Variants in AGO3 observed in about 807,000 individuals in gnomAD.
AGO3 encodes the protein argonaute RISC catalytic component 3.
Under a neutral mutation model 105.5 loss-of-function variants are expected in AGO3, and 16 were observed. That is an observed-to-expected ratio of 0.15 (90% CI 0.10 to 0.23). AGO3 has a LOEUF of 0.23. Ranked by LOEUF, AGO3 falls within the 10% of genes least tolerant of loss-of-function variation. The probability of loss-of-function intolerance (pLI) is 1.00; values close to 1 mark genes in which losing one functional copy is unlikely to be tolerated. For missense variants in AGO3, 534 were observed against 1,088.0 expected, an observed-to-expected ratio of 0.49 and a Z score of 7.16; for synonymous variants, 340 against 367.3, an observed-to-expected ratio of 0.93 and a Z score of 0.85.
chr1:36,055,397 A>T lies in AGO3; in HGVS notation c.2475-240A>T. 1.6e-6 allele frequency: 1 copy of T among 613,322 alleles called. No individual in the cohort carries two copies. Among genetic ancestry groups the T allele is most frequent in the Non-Finnish European group, 2.9e-6 (1 of 350,768 alleles). The allele number at this position is 613,322 out of a possible 1,614,324, so 38.0% of individuals were successfully genotyped here. ...GTAATAAAGTGATACATTCAGACAG[A>T]TAGACAAAATGATACGATATCTAGG... On this transcript the variant is annotated intron_variant, in intron 18 of 18. Transcript: ENST00000373191. The surrounding 1 kb of genome is among the most constrained non-coding windows in gnomAD (Gnocchi z 4.4).
intron 12 of AGO3, among the ~76,000 whole-genome samples, chr1:36,028,407 C>A (rs1449476500): frequency 8.2e-6 from 1 of 122,242 alleles, no homozygotes; most frequent in East Asian, 3.1e-4. Flanking sequence ...CCCCCCACCC[C>A]ACAACAGTCC....
intron 5 of AGO3, among the ~76,000 whole-genome samples, chr1:36,001,475 A>G (rs1640080395): frequency 6.6e-6 from 1 of 152,202 alleles, no homozygotes; most frequent in Non-Finnish European, 1.5e-5. Context: ...ATTAGTACAT[A>G]CAAGGCACAG....
In AGO3 at chr1:36,058,624, A is replaced by G. The variant is rs1441217684; in HGVS notation, c.*2879A>G. ...TATTTTGAGCCTAAAATCTGAGCCC[A>G]TGTCCTCTGACAGGCATGAAATCTT... On this transcript the variant is annotated 3_prime_UTR_variant, in exon 19 of 19. Transcript: ENST00000373191. The G allele has an allele frequency of 1.3e-5, 2 of 152,162 alleles. No individual in the cohort carries two copies. Among genetic ancestry groups the G allele is most frequent in the Non-Finnish European group, 1.5e-5 (1 of 68,018 alleles). 9.4% of individuals were successfully genotyped at this position (152,162 alleles called of 1,614,324 possible). A position where few individuals can be genotyped will look rare whatever the true frequency, so the allele number is the denominator to read the frequency against.
chr1:35,988,867 A>G (rs917300669), intron 5 of AGO3, among the ~76,000 whole-genome samples: 26 of 152,292 alleles, frequency 1.7e-4, no homozygotes, highest in Non-Finnish European at 2.6e-4. Flanking sequence ...TGTTTTCCAT[A>G]AAGGCTGCAA....
intron 5 of AGO3, among the ~76,000 whole-genome samples, chr1:35,996,569 G>A (rs914720714): frequency 6.6e-6 from 1 of 151,750 alleles, no homozygotes; most frequent in African/African-American, 2.4e-5. Context: ...TCAGGAGTTC[G>A]AGACCAGCCC....
chr1:36,023,237 A>C lies in AGO3; in HGVS notation c.1407-3877A>C, dbSNP rs562815818. Among the ~76,000 whole-genome samples, 24 of 152,324 alleles carry C rather than the reference A, an allele frequency of 1.6e-4. No homozygotes were observed. The South Asian group carries it at 5.0e-3, about 32-fold the overall frequency. ...AATCCATGGAGCTTCAGAATCTGAGAGCTTACCCACAATCCCCAGTTGCTG... is the reference window on the plus strand; with the variant it reads ...AATCCATGGAGCTTCAGAATCTGAGCGCTTACCCACAATCCCCAGTTGCTG... On this transcript the variant is annotated intron_variant, in intron 11 of 18. Coordinates refer to ENST00000373191, the MANE Select transcript of AGO3 (RefSeq NM_024852.4).
intron 14 of AGO3, among the ~76,000 whole-genome samples, chr1:36,038,906 T>C (rs1032681546): frequency 1.3e-5 from 2 of 152,232 alleles, no homozygotes; most frequent in Non-Finnish European, 2.9e-5. Flanking sequence ...AGTTCTAAGA[T>C]GAAGCTAAAG....
In AGO3 at chr1:36,063,508, C is replaced by T. The variant is rs1002795503; in HGVS notation, c.*7763C>T. 2.0e-5 allele frequency: 3 copies of T among 152,078 alleles called. No homozygotes were observed. The highest frequency in any genetic ancestry group is 7.2e-5 in the African/African-American group (3 of 41,402). The allele number at this position is 152,078 out of a possible 1,614,324, so 9.4% of individuals were successfully genotyped here. On this transcript the variant is annotated 3_prime_UTR_variant, in exon 19 of 19. Transcript: ENST00000373191. Reference sequence around the variant, plus strand: ...GAATTGACTTTGAAATGAAACTTTTCCCCCATAATTTGTTATATGGAAGAT... The same window carrying T: ...GAATTGACTTTGAAATGAAACTTTTTCCCCATAATTTGTTATATGGAAGAT...
At chr1:35,931,488 T>G (rs1485988156) in intron 1 of AGO3, 43 bp downstream of exon 1, 2 of 1,432,452 alleles carry the variant, frequency 1.4e-6, no homozygotes, top group Admixed American at 5.9e-5. Context: ...GTCACCCAGC[T>G]ACTGTCCTCT....
At chr1:35,968,355 T>C (rs190785612) in intron 3 of AGO3, among the ~76,000 whole-genome samples, 4 of 152,330 alleles carry the variant, frequency 2.6e-5, no homozygotes, top group East Asian at 1.9e-4. Flanking sequence ...TACATTGTTA[T>C]ATAATTATTA....
intron 9 of AGO3, among the ~76,000 whole-genome samples, chr1:36,012,305 A>G (rs1446623499): frequency 6.6e-6 from 1 of 151,442 alleles, no homozygotes; most frequent in Non-Finnish European, 1.5e-5. Context: ...ACTGGATGAC[A>G]GAGCGAGACC....
chr1:36,030,308 T>A (rs1361389636), intron 12 of AGO3, among the ~76,000 whole-genome samples: 2 of 151,984 alleles, frequency 1.3e-5, no homozygotes, highest in African/African-American at 4.8e-5. Context: ...TCAAGACTAG[T>A]CTGAGCAACA....
chr1:36,010,516 A>G lies in AGO3; in HGVS notation c.1149+922A>G, dbSNP rs562076663. Among the ~76,000 whole-genome samples, 246 of 152,008 alleles carry G rather than the reference A, an allele frequency of 1.6e-3. 1 individual carries two copies. The highest frequency in any genetic ancestry group is 4.1e-3 in the African/African-American group (170 of 41,492). On this transcript the variant is annotated intron_variant, in intron 9 of 18. Transcript: ENST00000373191. ...CTAGTCAGGTGGCTGAGGCATGAGA[A>G]TAACTTGAACCTGGGAGGCAGAGGC...
chr1:35,982,238 G>A (rs1647065867), intron 5 of AGO3, among the ~76,000 whole-genome samples: 1 of 151,982 alleles, frequency 6.6e-6, no homozygotes, highest in Non-Finnish European at 1.5e-5. Flanking sequence ...GACCAGCCTG[G>A]GCAACATAGT....
intron 2 of AGO3, among the ~76,000 whole-genome samples, chr1:35,955,831 G>A (rs1646555295): frequency 6.6e-6 from 1 of 152,096 alleles, no homozygotes; most frequent in South Asian, 2.1e-4. Context: ...CTTGTCTCAA[G>A]CGATCTGCCC....
intron 11 of AGO3, among the ~76,000 whole-genome samples, chr1:36,026,280 G>A (rs974937397): frequency 5.9e-5 from 9 of 151,892 alleles, no homozygotes; most frequent in Admixed American, 1.3e-4. Context: ...GACTAGTTTC[G>A]TATTTTTAGT....
intron 5 of AGO3, among the ~76,000 whole-genome samples, chr1:35,992,516 T>G (rs1286756609): frequency 1.3e-5 from 2 of 152,216 alleles, no homozygotes; most frequent in African/African-American, 2.4e-5. Context: ...ACCTTAAATT[T>G]TTTTTTAAAT....
chr1:36,044,060 T>C (rs1035033133), intron 17 of AGO3, among the ~76,000 whole-genome samples: 1 of 152,162 alleles, frequency 6.6e-6, no homozygotes, highest in Non-Finnish European at 1.5e-5. Context: ...AAGAGTTTAA[T>C]TGGGCTGGGC....
chr1:35,930,923 G>T, upstream of AGO3: 2 of 278,318 alleles, frequency 7.2e-6, no homozygotes, highest in Non-Finnish European at 1.3e-5. Context: ...ACGGCCCGGC[G>T]GGGTACGGCC....
Sources: gnomAD v4.1 joint callset for allele counts (sites outside exome capture counted in the v4.1 genomes callset) on GRCh38, gnomAD v4.1.1 for gene constraint, Gnocchi (gnomAD v3.1) non-coding constraint, MANE v1.5 for transcripts, NCBI Gene and HGNC (gene_info 2026-07-23, HGNC 2026-07-21) for gene names.